Variants in UNC13C observed in about 807,000 individuals in gnomAD.
UNC13C encodes the protein protein unc-13 homolog C.
A neutral mutation model predicts 245.4 loss-of-function variants in UNC13C; 174 were observed. The ratio of observed to expected loss-of-function variants is 0.71; its 90% CI spans 0.63 to 0.80. The LOEUF is 0.80. UNC13C is among the 30% of genes least tolerant of loss of function. The pLI is 0.00. For missense variants in UNC13C, 2,829 were observed against 2,602.9 expected, an observed-to-expected ratio of 1.09 and a Z score of -1.89; for synonymous variants, 992 against 895.1, an observed-to-expected ratio of 1.11 and a Z score of -1.93.
intron 17 of UNC13C, among the ~76,000 whole-genome samples, chr15:54,360,302 A>T (rs1341732626): frequency 6.6e-6 from 1 of 152,072 alleles, no homozygotes; most frequent in African/African-American, 2.4e-5. Flanking sequence ...ATTTTCTGGA[A>T]ATGTCTGTGA....
intron 19 of UNC13C, among the ~76,000 whole-genome samples, chr15:54,459,586 A>T (rs1242949446): frequency 2.0e-5 from 3 of 151,494 alleles, no homozygotes; most frequent in Non-Finnish European, 4.4e-5. Flanking sequence ...AGTTTTTTTC[A>T]TTTTTTTCTC....
intron 19 of UNC13C, among the ~76,000 whole-genome samples, chr15:54,478,692 C>T (rs1323714866): frequency 3.3e-5 from 5 of 151,494 alleles, no homozygotes; most frequent in African/African-American, 1.2e-4. Flanking sequence ...GTTATAATTT[C>T]TGTTCTTTTT....
At chr15:54,606,905 G>A (rs1308992955) in intron 30 of UNC13C, among the ~76,000 whole-genome samples, 1 of 151,978 alleles carries the variant, frequency 6.6e-6, no homozygotes, top group Non-Finnish European at 1.5e-5. Context: ...TTACCGAATT[G>A]GAAATATATG....
chr15:54,060,998 A>G (rs1897801675), intron 2 of UNC13C, among the ~76,000 whole-genome samples: 1 of 152,190 alleles, frequency 6.6e-6, no homozygotes, highest in African/African-American at 2.4e-5. Context: ...GGAGAGCATT[A>G]GGAGATATAC....
intron 20 of UNC13C, 44 bp from the exon 21 acceptor site, chr15:54,500,034 CA>C (rs1440230535): frequency 7.3e-7 from 1 of 1,369,022 alleles, no homozygotes; most frequent in Non-Finnish European, 1.0e-6. Context: ...TAATTTTATG[CA>C]AATGATGTCC....
intron 13 of UNC13C, among the ~76,000 whole-genome samples, chr15:54,311,441 A>T (rs1195420862): frequency 6.6e-6 from 1 of 151,798 alleles, no homozygotes; most frequent in Non-Finnish European, 1.5e-5. Flanking sequence ...TTAGCTCACA[A>T]GAAAAACACT....
chr15:54,248,855 C>T (rs1407701066), intron 7 of UNC13C, among the ~76,000 whole-genome samples: 2 of 152,096 alleles, frequency 1.3e-5, no homozygotes, highest in African/African-American at 4.8e-5. Context: ...CATTACCAAA[C>T]ATATTCTGGG....
chr15:54,011,144 A>G (rs1895364948), intron 1 of UNC13C, among the ~76,000 whole-genome samples: 1 of 151,580 alleles, frequency 6.6e-6, no homozygotes, highest in East Asian at 1.9e-4. Flanking sequence ...AAGAGTGTGG[A>G]GCCCTTAGTG....
intron 19 of UNC13C, among the ~76,000 whole-genome samples, chr15:54,428,924 C>A (rs952530292): frequency 1.3e-4 from 20 of 151,690 alleles, no homozygotes; most frequent in African/African-American, 4.8e-4. Flanking sequence ...CTGCCTCTTT[C>A]TTCACATGCT....
At chr15:54,100,866 C>T (rs187918265) in intron 2 of UNC13C, among the ~76,000 whole-genome samples, 29 of 152,108 alleles carry the variant, frequency 1.9e-4, no homozygotes, top group Admixed American at 3.9e-4. Flanking sequence ...GCTCACTCCT[C>T]TTCTCACTCC....
intron 28 of UNC13C, among the ~76,000 whole-genome samples, chr15:54,555,157 TTC>T (rs1444901485): frequency 2.6e-5 from 4 of 152,182 alleles, no homozygotes; most frequent in Non-Finnish European, 5.9e-5. Flanking sequence ...TTTTCCAGGT[TTC>T]TCTCTTTTTT....
intron 14 of UNC13C, among the ~76,000 whole-genome samples, chr15:54,330,847 G>C (rs1217550957): frequency 2.0e-5 from 3 of 151,954 alleles, no homozygotes; most frequent in Admixed American, 1.3e-4. Context: ...GTCTTAACCT[G>C]CCTAAGAAGA....
intron 2 of UNC13C, among the ~76,000 whole-genome samples, chr15:54,046,512 T>C (rs1450676513): frequency 1.3e-5 from 2 of 152,180 alleles, no homozygotes; most frequent in Non-Finnish European, 2.9e-5. Flanking sequence ...GTTTAAAGAT[T>C]TTATATTTGT....
At chr15:53,936,941 A>C in the UNC13C span, among the ~76,000 whole-genome samples, 9 of 152,340 alleles carry the variant, frequency 5.9e-5, no homozygotes, top group Non-Finnish European at 1.2e-4. Flanking sequence ...CAATGCAAAA[A>C]TGCTGAAAAC....
chr15:53,965,971 G>A, the UNC13C span, among the ~76,000 whole-genome samples: 1 of 152,014 alleles, frequency 6.6e-6, no homozygotes, highest in South Asian at 2.1e-4. Flanking sequence ...TATCATTGTT[G>A]GACATTTGGG....
At chr15:54,138,953 A>ATTTTTTTTTTTT (rs56255946) in intron 2 of UNC13C, among the ~76,000 whole-genome samples, 6,043 of 48,538 alleles carry the variant, frequency 0.12, 2,069 homozygotes, top group Admixed American at 0.15. Context: ...ATTTCCCCTA[A>ATTTTTTTTTTTT]TTTTTTTTTT....
the UNC13C span, among the ~76,000 whole-genome samples, chr15:53,927,376 G>A: frequency 2.0e-5 from 3 of 152,170 alleles, no homozygotes; most frequent in Non-Finnish European, 4.4e-5. Flanking sequence ...GGGTGTAAGA[G>A]TCCAGATAAG....
chr15:54,050,821 A>G (rs1004743515), intron 2 of UNC13C: 6 of 587,254 alleles, frequency 1.0e-5, no homozygotes, highest in South Asian at 8.2e-5. Context: ...TCCAGCCTAC[A>G]CAGCTTACTA....
chr15:54,235,223 A>C (rs116417795), intron 5 of UNC13C, 115 bp downstream of exon 5: 1 of 805,546 alleles, frequency 1.2e-6, no homozygotes, highest in Admixed American at 2.5e-5. Context: ...GAATAAAAAT[A>C]TATGAGGCCA....
Sources: gnomAD v4.1 joint callset for allele counts (sites outside exome capture counted in the v4.1 genomes callset) on GRCh38, gnomAD v4.1.1 for gene constraint, MANE v1.5 for transcripts, NCBI Gene and HGNC (gene_info 2026-07-23, HGNC 2026-07-21) for gene names.